Variants in DCDC2 observed in about 807,000 individuals in gnomAD.
The protein encoded by DCDC2 is doublecortin domain containing 2.
A neutral mutation model predicts 50.2 loss-of-function variants in DCDC2; 40 were observed. The observed-to-expected ratio is 0.80, with a 90% CI of 0.62 to 1.04. DCDC2 has a LOEUF of 1.04. Ranked by LOEUF, DCDC2 falls within the 50% of genes least tolerant of loss-of-function variation. DCDC2 has a pLI of 0.00. For missense variants in DCDC2, 570 were observed against 581.9 expected (o/e 0.98, Z 0.21); for synonymous variants, 234 against 210.6 (o/e 1.11, Z -0.96).
chr6:24,318,619 T>G (rs1759714979), intron 2 of DCDC2, among the ~76,000 whole-genome samples: 1 of 152,068 alleles, frequency 6.6e-6, no homozygotes, highest in Admixed American at 6.6e-5. Flanking sequence ...TTGTACACAT[T>G]ATTTAGGTCC....
chr6:24,216,439 AC>A (rs1357145994), intron 7 of DCDC2, among the ~76,000 whole-genome samples: 1 of 152,198 alleles, frequency 6.6e-6, no homozygotes, highest in African/African-American at 2.4e-5. Flanking sequence ...TGATCTGGTC[AC>A]CTAAGTAACA....
chr6:24,264,238 G>C (rs2113808324), intron 7 of DCDC2, among the ~76,000 whole-genome samples: 1 of 152,258 alleles, frequency 6.6e-6, no homozygotes, highest in Non-Finnish European at 1.5e-5. Context: ...GCTAAACGTA[G>C]TTCTTCAATC....
chr6:24,234,707 G>A (rs1477442235), intron 7 of DCDC2, among the ~76,000 whole-genome samples: 2 of 152,204 alleles, frequency 1.3e-5, no homozygotes, highest in Non-Finnish European at 2.9e-5. Flanking sequence ...AGTAGATAAT[G>A]ATATCAAGCG....
chr6:24,297,897 A>G (rs530640431), intron 4 of DCDC2, among the ~76,000 whole-genome samples: 1 of 152,230 alleles, frequency 6.6e-6, no homozygotes, highest in Non-Finnish European at 1.5e-5. Context: ...ATTAGACTGC[A>G]TTAAAATTTA....
At chr6:24,196,388 A>G (rs944869740) in intron 8 of DCDC2, among the ~76,000 whole-genome samples, 9 of 152,166 alleles carry the variant, frequency 5.9e-5, no homozygotes, top group South Asian at 2.1e-4. Flanking sequence ...AGGTAGATAG[A>G]TAAGTAGGTA....
At chr6:24,309,350 A>G (rs922961418) in intron 2 of DCDC2, among the ~76,000 whole-genome samples, 12 of 152,238 alleles carry the variant, frequency 7.9e-5, no homozygotes, top group Middle Eastern at 3.4e-3. Context: ...ATTAGTCCTA[A>G]AGACTAGTTT....
chr6:24,197,775 G>T (rs1761479169), intron 8 of DCDC2, among the ~76,000 whole-genome samples: 1 of 152,090 alleles, frequency 6.6e-6, no homozygotes, highest in Admixed American at 6.5e-5. Flanking sequence ...GGTGAAATCT[G>T]CTTTTAGAAA....
At chr6:24,359,891 A>G (rs1443955444), upstream of DCDC2, among the ~76,000 whole-genome samples, 1 of 152,214 alleles carries the variant, frequency 6.6e-6, no homozygotes, top group African/African-American at 2.4e-5. Context: ...ACGTGAAGAC[A>G]GCAGGCAGCG....
chr6:24,222,492 C>A (rs142011672), intron 7 of DCDC2, among the ~76,000 whole-genome samples: 37 of 152,200 alleles, frequency 2.4e-4, no homozygotes, highest in Non-Finnish European at 4.0e-4. Flanking sequence ...CCAAAATAAC[C>A]ACAGGTTTAA....
At chr6:24,205,536 T>C (rs999829542) in intron 7 of DCDC2, among the ~76,000 whole-genome samples, 1 of 133,280 alleles carries the variant, frequency 7.5e-6, no homozygotes. Flanking sequence ...ATATAACGTA[T>C]TGGAATAATT....
intron 6 of DCDC2, among the ~76,000 whole-genome samples, chr6:24,278,812 C>T (rs1053443292): frequency 3.9e-5 from 6 of 152,196 alleles, no homozygotes; most frequent in Admixed American, 3.9e-4. Flanking sequence ...TACAAGCAGC[C>T]ATACACTCTG....
intron 2 of DCDC2, among the ~76,000 whole-genome samples, chr6:24,334,162 C>T (rs1441087469): frequency 2.6e-5 from 4 of 152,158 alleles, no homozygotes; most frequent in Non-Finnish European, 5.9e-5. Context: ...TGGAAACTAG[C>T]TGGAACTAAC....
chr6:24,230,468 C>A (rs1272122047), intron 7 of DCDC2, among the ~76,000 whole-genome samples: 5 of 151,744 alleles, frequency 3.3e-5, no homozygotes, highest in Non-Finnish European at 7.4e-5. Flanking sequence ...ACAGTGAGAC[C>A]CCGCCACTAC....
intron 2 of DCDC2, among the ~76,000 whole-genome samples, chr6:24,313,924 A>G (rs189303580): frequency 3.9e-5 from 6 of 152,294 alleles, no homozygotes; most frequent in African/African-American, 1.4e-4. Context: ...GTAAAGGGGT[A>G]AAGGGAAGAA....
chr6:24,205,976 A>G (rs906979136), intron 7 of DCDC2, among the ~76,000 whole-genome samples: 15 of 152,058 alleles, frequency 9.9e-5, no homozygotes, highest in Admixed American at 4.6e-4. Context: ...CTGGTAATCT[A>G]TTACAATATT....
chr6:24,308,532 A>C lies in DCDC2; in HGVS notation c.349-6488T>G, dbSNP rs575993231. ...AAATTTCATACAAAATGACTAGTAC[A>C]CAACACAAACTATAAAACATGTAAA... On this transcript the variant is annotated intron_variant, in intron 2 of 9. Transcript: ENST00000378454. Among the ~76,000 whole-genome samples, 10 of 152,366 alleles carry C rather than the reference A, an allele frequency of 6.6e-5. No homozygotes were observed. The South Asian group carries it at 1.9e-3, about 28-fold the overall frequency.
intron 7 of DCDC2, among the ~76,000 whole-genome samples, chr6:24,229,766 T>C (rs527467406): frequency 6.6e-6 from 1 of 152,284 alleles, no homozygotes; most frequent in East Asian, 1.9e-4. Flanking sequence ...TGTTTATGCT[T>C]ACATTATTTT....
chr6:24,202,403 G>T (rs12213642), intron 8 of DCDC2, among the ~76,000 whole-genome samples: 23,229 of 152,178 alleles, frequency 0.15, 1,973 homozygotes, highest in Middle Eastern at 0.2. Flanking sequence ...CTCAATAGAT[G>T]CAGAAAAGGC....
chr6:24,306,333 G>A (rs904109410), intron 2 of DCDC2, among the ~76,000 whole-genome samples: 1 of 152,156 alleles, frequency 6.6e-6, no homozygotes, highest in African/African-American at 2.4e-5. Context: ...ACTGATGACT[G>A]ACCTCTTGCC....
Sources: allele counts gnomAD v4.1 joint callset (sites outside exome capture counted in the v4.1 genomes callset), GRCh38; gene constraint gnomAD v4.1.1; transcripts MANE v1.5; gene names NCBI Gene and HGNC (gene_info 2026-07-23, HGNC 2026-07-21).